Variants in GPC5 observed in about 807,000 individuals in gnomAD.
The protein encoded by GPC5 is glypican-5.
In GPC5, 47 loss-of-function variants were observed where a neutral mutation model predicts 53.9. That is an observed-to-expected ratio of 0.87 (90% CI 0.69 to 1.11). The LOEUF (loss-of-function observed/expected upper bound fraction) is 1.11. GPC5 is among the 50% of genes most tolerant of loss of function. The pLI, the probability that GPC5 is intolerant of heterozygous loss-of-function variation, is 0.00. For missense variants in GPC5, 748 were observed against 713.1 expected, an observed-to-expected ratio of 1.05 and a Z score of -0.56; for synonymous variants, 286 against 263.3, an observed-to-expected ratio of 1.09 and a Z score of -0.84.
rs147303779 is a variant in GPC5 at position 91,731,127 on chromosome 13, A to G, written c.1154+2462A>G. ...GCCAGCTAAAAGTGAATTATTTCCA[A>G]CTGTCCTTACTAATTGGTAAGGAGG... On this transcript the variant is annotated intron_variant, in intron 4 of 7. Transcript: ENST00000377067. Among the ~76,000 whole-genome samples, 6 of 152,342 alleles carry G rather than the reference A, an allele frequency of 3.9e-5. No individual in the cohort carries two copies. In the East Asian group the frequency reaches 1.2e-3, roughly 29 times the overall value.
chr13:92,237,004 A>G (rs910705359), intron 7 of GPC5, among the ~76,000 whole-genome samples: 3 of 152,022 alleles, frequency 2.0e-5, no homozygotes, highest in African/African-American at 7.2e-5. Flanking sequence ...ATGTTAATAC[A>G]TTTCCTTTTC....
chr13:92,542,120 G>A (rs1305308728), intron 7 of GPC5, among the ~76,000 whole-genome samples: 2 of 151,924 alleles, frequency 1.3e-5, no homozygotes, highest in African/African-American at 4.8e-5. Flanking sequence ...TATACCATGT[G>A]TAATGATCAA....
chr13:92,747,354 A>G (rs1379557487), intron 7 of GPC5, among the ~76,000 whole-genome samples: 2 of 152,212 alleles, frequency 1.3e-5, no homozygotes, highest in Non-Finnish European at 2.9e-5. Flanking sequence ...CAGAGATAAA[A>G]GAAATTAATA....
intron 2 of GPC5, among the ~76,000 whole-genome samples, chr13:91,691,837 C>T (rs1028557279): frequency 6.7e-6 from 1 of 150,074 alleles, no homozygotes; most frequent in Non-Finnish European, 1.5e-5. Flanking sequence ...TATACTCAAA[C>T]AGTGTTTAGA....
chr13:91,751,726 A>G lies in GPC5; in HGVS notation c.1155-4569A>G, dbSNP rs562037976. On this transcript the variant is annotated intron_variant, in intron 4 of 7. Coordinates refer to ENST00000377067, the MANE Select transcript of GPC5 (RefSeq NM_004466.6). Reference sequence around the variant, plus strand: ...AACAAGCTCATTACCACAAAACCTTATCTCCTTCTTTTTATACCCAAATAT... The same window carrying G: ...AACAAGCTCATTACCACAAAACCTTGTCTCCTTCTTTTTATACCCAAATAT... 4.6e-5 allele frequency among the ~76,000 whole-genome samples: 7 copies of G among 152,294 alleles called. No individual in the cohort carries two copies. In the South Asian group the frequency reaches 1.5e-3, roughly 32 times the overall value.
chr13:92,188,777 A>G (rs55861988), intron 7 of GPC5, among the ~76,000 whole-genome samples: 16,351 of 152,212 alleles, frequency 0.11, 2,930 homozygotes, highest in African/African-American at 0.37. Context: ...CTTAGTTGAC[A>G]TATTTGGTGG....
intron 7 of GPC5, among the ~76,000 whole-genome samples, chr13:92,341,733 A>G (rs2139249710): frequency 6.6e-6 from 1 of 152,228 alleles, no homozygotes; most frequent in African/African-American, 2.4e-5. Flanking sequence ...GTTCCAGACC[A>G]GCATTAGCAA....
intron 2 of GPC5, among the ~76,000 whole-genome samples, chr13:91,555,603 G>T (rs2030900073): frequency 6.6e-6 from 1 of 151,996 alleles, no homozygotes; most frequent in Non-Finnish European, 1.5e-5. Flanking sequence ...GCCTTTGCGG[G>T]TAGGTTTGCA....
chr13:91,861,849 T>C (rs1259031451), intron 5 of GPC5, among the ~76,000 whole-genome samples: 1 of 151,500 alleles, frequency 6.6e-6, no homozygotes, highest in Non-Finnish European at 1.5e-5. Flanking sequence ...CTGAGTTATT[T>C]GTCTTACAGT....
chr13:92,006,080 G>C (rs1168126610), intron 6 of GPC5, among the ~76,000 whole-genome samples: 1 of 152,056 alleles, frequency 6.6e-6, no homozygotes, highest in African/African-American at 2.4e-5. Context: ...GAAATACTTA[G>C]TCCAGTTATA....
chr13:92,306,024 G>A lies in GPC5; in HGVS notation c.1561+161035G>A, dbSNP rs9561007. On this transcript the variant is annotated intron_variant, in intron 7 of 7. Coordinates refer to ENST00000377067, the MANE Select transcript of GPC5 (RefSeq NM_004466.6). ...AGAGATGGGAAAGTACGTGGACTGA[G>A]AAGAGCAAACGAGCTGGACTTATCC... 9.8e-5 allele frequency among the ~76,000 whole-genome samples: 15 copies of A among 152,342 alleles called. No homozygotes were observed. In the East Asian group the frequency reaches 2.3e-3, roughly 24 times the overall value.
chr13:92,369,366 T>A (rs1457825414), intron 7 of GPC5, among the ~76,000 whole-genome samples: 1 of 152,074 alleles, frequency 6.6e-6, no homozygotes, highest in Non-Finnish European at 1.5e-5. Context: ...TTTGTAGAAA[T>A]GAGGTTTTGC....
chr13:91,982,534 A>C (rs536281271), intron 6 of GPC5, among the ~76,000 whole-genome samples: 2 of 152,308 alleles, frequency 1.3e-5, no homozygotes, highest in African/African-American at 4.8e-5. Flanking sequence ...GAGTGGCTGC[A>C]CAGTTAGCTG....
At chr13:91,656,120 T>G (rs1481464363) in intron 2 of GPC5, among the ~76,000 whole-genome samples, 1 of 152,176 alleles carries the variant, frequency 6.6e-6, no homozygotes, top group Non-Finnish European at 1.5e-5. Context: ...CTAACTGGTT[T>G]GAAAGGCAAT....
chr13:92,462,657 TG>T (rs1034056100), intron 7 of GPC5, among the ~76,000 whole-genome samples: 1 of 151,726 alleles, frequency 6.6e-6, no homozygotes, highest in African/African-American at 2.4e-5. Context: ...CAAATTTAGA[TG>T]GTATTTAAAG....
intron 7 of GPC5, among the ~76,000 whole-genome samples, chr13:92,834,057 G>T (rs1878141456): frequency 6.6e-6 from 1 of 152,112 alleles, no homozygotes. Flanking sequence ...GTCTGGATTA[G>T]GGTAATGGCA....
chr13:92,084,373 T>C (rs893093981), intron 6 of GPC5, among the ~76,000 whole-genome samples: 5 of 152,196 alleles, frequency 3.3e-5, no homozygotes, highest in African/African-American at 1.2e-4. Flanking sequence ...TGTATTCTAA[T>C]AAAATGGCAA....
At chr13:92,388,130 T>A (rs1874822976) in intron 7 of GPC5, among the ~76,000 whole-genome samples, 1 of 152,142 alleles carries the variant, frequency 6.6e-6, no homozygotes, top group Non-Finnish European at 1.5e-5. Context: ...AGTATTGTTT[T>A]AAACCTATTT....
intron 2 of GPC5, among the ~76,000 whole-genome samples, chr13:91,568,557 T>C (rs1392571685): frequency 2.8e-5 from 4 of 142,894 alleles, no homozygotes; most frequent in Non-Finnish European, 6.1e-5. Flanking sequence ...GTAGAGCTTT[T>C]ATTGAAAAAA....
Sources: gnomAD v4.1 joint callset for allele counts (sites outside exome capture counted in the v4.1 genomes callset) on GRCh38, gnomAD v4.1.1 for gene constraint, MANE v1.5 for transcripts, NCBI Gene and HGNC (gene_info 2026-07-23, HGNC 2026-07-21) for gene names.